PDE6C: variants seen among roughly 807,000 people sequenced by gnomAD.
PDE6C encodes cone cGMP-specific 3',5'-cyclic phosphodiesterase subunit alpha'.
In PDE6C, 75 loss-of-function variants were observed where a neutral mutation model predicts 113.1. The observed-to-expected ratio is 0.66, with a 90% CI of 0.55 to 0.80. PDE6C has a LOEUF of 0.80. PDE6C is among the 30% of genes least tolerant of loss of function. The pLI, the probability that PDE6C is intolerant of heterozygous loss-of-function variation, is 0.00. For missense variants in PDE6C, 912 were observed against 1,038.6 expected (o/e 0.88, Z 1.67); for synonymous variants, 375 against 363.7 (o/e 1.03, Z -0.35).
chr10:93,620,968 C>G lies in PDE6C; in HGVS notation c.711C>G (p.Ser237=). The G allele has an allele frequency of 6.2e-7, 1 of 1,613,476 alleles. No individual in the cohort carries two copies. Among genetic ancestry groups the G allele is most frequent in the African/African-American group, 1.3e-5 (1 of 74,992 alleles). The change falls in exon 3 of 22, where the codon TCC becomes TCG. Residue 237 remains serine, a synonymous_variant. Transcript: ENST00000371447. ...HHTSYMYNIE[S]RRSQILMWSA... is the part of the protein sequence containing the mutation. Reference sequence around the variant, plus strand: ...CCAGCTACATGTACAATATTGAATCCCGAAGAAGCCAGGTAAAAGGAAGGC... The same window carrying G: ...CCAGCTACATGTACAATATTGAATCGCGAAGAAGCCAGGTAAAAGGAAGGC...
In PDE6C at chr10:93,655,799, G is replaced by A. The variant is rs1250795539; in HGVS notation, c.1975G>A (p.Glu659Lys). 1.2e-6 allele frequency: 2 copies of A among 1,610,116 alleles called. No individual in the cohort carries two copies. ...IFQNLNKRQF[E>K]TVIHLFEVAI... ...CCAGAACCTAAATAAGCGGCAGTTT[G>A]AAACAGTTATTCATTTGTTCGAGGT... The change falls in exon 16 of 22, where the codon GAA (glutamate) becomes AAA (lysine). Residue 659 changes from glutamate to lysine, a missense_variant. Coordinates refer to ENST00000371447, the MANE Select transcript of PDE6C (RefSeq NM_006204.4).
intron 14 of PDE6C, among the ~76,000 whole-genome samples, chr10:93,645,138 A>G (rs2058578391): frequency 6.6e-6 from 1 of 151,902 alleles, no homozygotes; most frequent in Non-Finnish European, 1.5e-5. Flanking sequence ...GGATTTACTC[A>G]TTTTTTTAAA....
Position 93,626,781 on chromosome 10 carries a change from AT to A in PDE6C, c.1005-16del, listed in dbSNP as rs751292404. On this transcript the variant is annotated intron_variant, in intron 6 of 21. Transcript: ENST00000371447. ...TATTGCATTTCTCTATATTGCAATG[AT>A]TTTTTTTCTTCTCTTCCCCAAGGAC... The A allele has an allele frequency of 6.8e-6, 11 of 1,611,818 alleles. No individual in the cohort carries two copies. In the African/African-American group the frequency reaches 1.2e-4, roughly 18 times the overall value.
chr10:93,629,703 G>A (rs1269777100), intron 8 of PDE6C, among the ~76,000 whole-genome samples: 2 of 152,102 alleles, frequency 1.3e-5, no homozygotes, highest in East Asian at 1.9e-4. Flanking sequence ...TCATAAGGAC[G>A]GCACAACCCA....
At chr10:93,633,388 C>T (rs1589697246) in intron 8 of PDE6C, among the ~76,000 whole-genome samples, 1 of 147,248 alleles carries the variant, frequency 6.8e-6, no homozygotes, top group African/African-American at 2.5e-5. Context: ...ATCACTTGAA[C>T]CTGGGAGGCA....
chr10:93,663,497 G>C lies in PDE6C; in HGVS notation c.2518+319G>C, dbSNP rs573324283. Among the ~76,000 whole-genome samples, 6 of 152,242 alleles carry C rather than the reference G, an allele frequency of 3.9e-5. No homozygotes were observed. The South Asian group carries it at 1.2e-3, about 32-fold the overall frequency. On this transcript the variant is annotated intron_variant, in intron 21 of 21. Coordinates refer to ENST00000371447, the MANE Select transcript of PDE6C (RefSeq NM_006204.4). ...GATAATATGTAAACTACAGAATCTG[G>C]GGGATTAGAGTTAGGTGAGAAAAAA...
At chr10:93,664,058 CAGG>C (rs748184970) in intron 21 of PDE6C, among the ~76,000 whole-genome samples, 2 of 152,114 alleles carry the variant, frequency 1.3e-5, no homozygotes, top group African/African-American at 4.8e-5. Context: ...AGAATAAAAG[CAGG>C]AGTTTTTGAC....
At chr10:93,661,601 G>GTT (rs201267214) in intron 18 of PDE6C, among the ~76,000 whole-genome samples, 1 of 151,100 alleles carries the variant, frequency 6.6e-6, no homozygotes, top group East Asian at 1.9e-4. Context: ...CTTGATAAAT[G>GTT]TTTTTTTTTA....
At chr10:93,626,581 T>C in intron 5 of PDE6C, 59 bp from the exon 6 acceptor site, 5 of 977,848 alleles carry the variant, frequency 5.1e-6, no homozygotes, top group Non-Finnish European at 8.1e-6. Context: ...AGTTCCCCAA[T>C]GAAAAATGAT....
chr10:93,659,083 A>T (rs1554891956), intron 17 of PDE6C, 21 bp from the exon 18 acceptor site: 11 of 1,602,578 alleles, frequency 6.9e-6, no homozygotes, highest in Admixed American at 3.3e-5. Flanking sequence ...CTATTTTAAA[A>T]TTTTTTGTTT....
chr10:93,633,636 C>A (rs2058513927), intron 8 of PDE6C, among the ~76,000 whole-genome samples: 1 of 152,190 alleles, frequency 6.6e-6, no homozygotes, highest in Non-Finnish European at 1.5e-5. Context: ...CCTTCAGCAA[C>A]TGCCCCAGTT....
At chr10:93,648,887 C>G (rs939308839) in intron 15 of PDE6C, among the ~76,000 whole-genome samples, 1 of 152,162 alleles carries the variant, frequency 6.6e-6, no homozygotes, top group Non-Finnish European at 1.5e-5. Flanking sequence ...TCATATCAAC[C>G]GCATCAGCCT....
At chr10:93,641,633 G>T (rs1346569509) in intron 14 of PDE6C, among the ~76,000 whole-genome samples, 2 of 152,112 alleles carry the variant, frequency 1.3e-5, no homozygotes, top group Non-Finnish European at 2.9e-5. Context: ...GACAAAGAGA[G>T]ACTCTGTCTC....
chr10:93,656,337 C>T (rs896314309), intron 16 of PDE6C, among the ~76,000 whole-genome samples: 1 of 152,120 alleles, frequency 6.6e-6, no homozygotes, highest in African/African-American at 2.4e-5. Flanking sequence ...ACCAAACTTA[C>T]AAAACTGAGT....
chr10:93,634,677 C>G (rs2058519237), intron 8 of PDE6C, 81 bp from the exon 9 acceptor site: 1 of 1,456,838 alleles, frequency 6.9e-7, no homozygotes, highest in Non-Finnish European at 9.5e-7. Flanking sequence ...CTGTACATTT[C>G]TTTTGTAATA....
At chr10:93,654,657 A>G in intron 15 of PDE6C, among the ~76,000 whole-genome samples, 1 of 152,028 alleles carries the variant, frequency 6.6e-6, no homozygotes, top group East Asian at 1.9e-4. Context: ...CATTTGGCAA[A>G]ATCACTATCT....
chr10:93,630,353 A>G (rs1485427409), intron 8 of PDE6C, among the ~76,000 whole-genome samples: 1 of 55,554 alleles, frequency 1.8e-5, no homozygotes, highest in Non-Finnish European at 3.3e-5. Flanking sequence ...CCAGCCCACC[A>G]GAAGGGCCAG....
chr10:93,630,177 T>C (rs941569337), intron 8 of PDE6C, among the ~76,000 whole-genome samples: 3 of 152,112 alleles, frequency 2.0e-5, no homozygotes, highest in Non-Finnish European at 4.4e-5. Flanking sequence ...TTCTCCACTG[T>C]GCAGAGACCC....
chr10:93,632,778 T>G (rs910197782), intron 8 of PDE6C, among the ~76,000 whole-genome samples: 5 of 152,218 alleles, frequency 3.3e-5, no homozygotes, highest in African/African-American at 4.8e-5. Context: ...TTTCTAAAGC[T>G]TTGACCATCA....
Sources: gnomAD v4.1 joint callset for allele counts (sites outside exome capture counted in the v4.1 genomes callset) on GRCh38, gnomAD v4.1.1 for gene constraint, MANE v1.5 for transcripts, NCBI Gene and HGNC (gene_info 2026-07-23, HGNC 2026-07-21) for gene names.